The following RYR2 variants were observed in gnomAD, a reference collection of about 807,000 sequenced individuals.
RYR2 encodes cardiac muscle ryanodine receptor-calcium release channel.
A neutral mutation model predicts 601.1 loss-of-function variants in RYR2; 227 were observed. The ratio of observed to expected loss-of-function variants is 0.38; its 90% CI spans 0.34 to 0.42. The LOEUF (loss-of-function observed/expected upper bound fraction) is 0.42. RYR2 is among the 10% of genes least tolerant of loss of function. RYR2 has a pLI of 1.00. For missense variants in RYR2, 4,646 were observed against 6,156.5 expected (o/e 0.75, Z 8.21); for synonymous variants, 2,223 against 2,175.1 (o/e 1.02, Z -0.61).
chr1:237,225,806 C>T (rs1054333615), intron 1 of RYR2, among the ~76,000 whole-genome samples: 1 of 152,076 alleles, frequency 6.6e-6, no homozygotes, highest in Non-Finnish European at 1.5e-5. Context: ...CCTGTAATTC[C>T]AGCACTTTGG....
At chr1:237,643,248 C>T (rs1681752799) in intron 47 of RYR2, 79 bp from the exon 48 acceptor site, 12 of 1,551,132 alleles carry the variant, frequency 7.7e-6, no homozygotes, top group Non-Finnish European at 1.1e-5. Context: ...ACTTGGATTC[C>T]AATACTTCAG....
chr1:237,065,805 C>T (rs141747795), intron 1 of RYR2, among the ~76,000 whole-genome samples: 1 of 152,294 alleles, frequency 6.6e-6, no homozygotes, highest in Non-Finnish European at 1.5e-5. Flanking sequence ...GGAAACATGA[C>T]AGTTTCTGGG....
At chr1:237,051,282 TTC>T (rs148264575) in intron 1 of RYR2, among the ~76,000 whole-genome samples, 83 of 79,246 alleles carry the variant, frequency 1.0e-3, no homozygotes, top group East Asian at 1.7e-3. Flanking sequence ...TCTCCTCCCC[TTC>T]TCTCTCTCTC....
chr1:237,648,645 T>C (rs1261781106), intron 49 of RYR2, 32 bp downstream of exon 49: 2 of 1,592,392 alleles, frequency 1.3e-6, no homozygotes, highest in Non-Finnish European at 1.7e-6. Context: ...TCCTCCTCTC[T>C]TGACTCTTCA....
chr1:237,523,754 A>C (rs1667318364), intron 24 of RYR2, among the ~76,000 whole-genome samples: 1 of 151,846 alleles, frequency 6.6e-6, no homozygotes. Flanking sequence ...AAAAAGGCAA[A>C]AATTGGCAAA....
rs774182084 is a variant in RYR2, at chr1:237,648,539, G to A, written c.7438G>A (p.Val2480Ile). 1 of 1,611,432 alleles carries A rather than the reference G, an allele frequency of 6.2e-7. No homozygotes were observed. ...LFLDRVYGIE[V>I]QDFLLHLLEV... is the part of the protein sequence containing the mutation. ...CCTTGACAGGGTCTATGGGATTGAG[G>A]TTCAAGACTTCCTCCTCCATCTTCT... The change falls in exon 49 of 105, where the codon GTT (valine) becomes ATT (isoleucine). Residue 2480 changes from valine (V) to isoleucine (I), a missense_variant. Val to Ile is a conservative substitution (Grantham distance 29). Coordinates refer to ENST00000366574, the MANE Select transcript of RYR2 (RefSeq NM_001035.3).
chr1:237,157,613 G>A (rs2148845328), intron 1 of RYR2, among the ~76,000 whole-genome samples: 1 of 152,312 alleles, frequency 6.6e-6, no homozygotes, highest in African/African-American at 2.4e-5. Context: ...AGGTCATTAT[G>A]TTAAGTGAAA....
chr1:237,053,677 G>A (rs576422667), intron 1 of RYR2, among the ~76,000 whole-genome samples: 3 of 152,268 alleles, frequency 2.0e-5, no homozygotes, highest in South Asian at 4.1e-4. Flanking sequence ...TTATATCCAC[G>A]CTTGTCCTGC....
At chr1:237,738,068 C>G (rs764446222) in intron 79 of RYR2, among the ~76,000 whole-genome samples, 127 of 152,212 alleles carry the variant, frequency 8.3e-4, no homozygotes, top group Non-Finnish European at 1.6e-3. Context: ...TTCATGGTTT[C>G]TCGGTTTACC....
chr1:237,369,746 C>A (rs1217298483), intron 6 of RYR2, 138 bp downstream of exon 6: 2 of 680,632 alleles, frequency 2.9e-6, no homozygotes, highest in East Asian at 2.7e-5. Flanking sequence ...ATCTTTGTAC[C>A]CTTGTTAGTT....
Position 237,640,904 on chromosome 1 carries a change from G to A in RYR2, c.7123G>A (p.Glu2375Lys), listed in dbSNP as rs752713737. ...TTGAAACATTCATGAAAGTGACACA[G>A]AGGAGGAGGAAGATGACACTATCCA... The part of the protein sequence containing the change: ...NSGSSKTLDT[E>K]EEEDDTIHMG... Residue 2375 changes from glutamate to lysine, a missense_variant, in exon 47 of 105, where the codon GAG becomes AAG. Physicochemically the swap from Glu to Lys is moderately conservative, Grantham distance 56. Coordinates refer to ENST00000366574, the MANE Select transcript of RYR2 (RefSeq NM_001035.3). 2 of 1,612,404 alleles carry A rather than the reference G, an allele frequency of 1.2e-6. No individual in the cohort carries two copies. Among genetic ancestry groups the A allele is most frequent in the South Asian group, 1.1e-5 (1 of 90,602 alleles).
In RYR2 at chr1:237,493,229, G is replaced by A. The variant is rs201452475; in HGVS notation, c.1961+142G>A. 1.3e-3 allele frequency: 1,256 copies of A among 930,842 alleles called. 2 individuals carry two copies. Among genetic ancestry groups the A allele is most frequent in the Non-Finnish European group, 1.8e-3 (1,108 of 628,664 alleles). The allele number at this position is 930,842 out of a possible 1,614,324, so 57.7% of individuals were successfully genotyped here. A position where few individuals can be genotyped will look rare whatever the true frequency, so the allele number is the denominator to read the frequency against. On this transcript the variant is annotated intron_variant, in intron 19 of 104. Coordinates refer to ENST00000366574, the MANE Select transcript of RYR2 (RefSeq NM_001035.3). Reference sequence around the variant, plus strand: ...TCTGTATTTTTGCAGTGAATAATATGTCTTTTTCTCTAACAATCAGATGGG... The same window carrying A: ...TCTGTATTTTTGCAGTGAATAATATATCTTTTTCTCTAACAATCAGATGGG...
At chr1:237,046,515 C>G (rs954776542) in intron 1 of RYR2, among the ~76,000 whole-genome samples, 1 of 152,176 alleles carries the variant, frequency 6.6e-6, no homozygotes, top group Non-Finnish European at 1.5e-5. Flanking sequence ...TAGATATGCA[C>G]TATGGTATTT....
At chr1:237,096,525 T>A (rs1017898225) in intron 1 of RYR2, among the ~76,000 whole-genome samples, 6 of 152,186 alleles carry the variant, frequency 3.9e-5, no homozygotes, top group African/African-American at 1.4e-4. Context: ...CCTAAGTGGC[T>A]TTGCTGAGGG....
Position 237,506,869 on chromosome 1 carries a change from A to G in RYR2, c.2718+55A>G, listed in dbSNP as rs573694491. On this transcript the variant is annotated intron_variant, in intron 23 of 104. Coordinates refer to ENST00000366574, the MANE Select transcript of RYR2 (RefSeq NM_001035.3). ...TCTGTGAATACATCTTTCTGAAAACATAACTTTTTCTGCCTTTTCCCGCTA... is the reference window on the plus strand; with the variant it reads ...TCTGTGAATACATCTTTCTGAAAACGTAACTTTTTCTGCCTTTTCCCGCTA... 2.2e-4 allele frequency: 314 copies of G among 1,448,484 alleles called. 2 individuals carry two copies. The African/African-American group carries it at 3.8e-3, about 18-fold the overall frequency. The allele number at this position is 1,448,484 out of a possible 1,614,324, so 89.7% of individuals were successfully genotyped here.
At chr1:237,228,875 G>T (rs1684679051) in intron 1 of RYR2, among the ~76,000 whole-genome samples, 1 of 152,160 alleles carries the variant, frequency 6.6e-6, no homozygotes. Context: ...GCTTGTTTGT[G>T]TGTAGCTTGA....
At chr1:237,527,504 T>C (rs1667713819) in intron 24 of RYR2, among the ~76,000 whole-genome samples, 1 of 152,142 alleles carries the variant, frequency 6.6e-6, no homozygotes, top group Non-Finnish European at 1.5e-5. Context: ...CCTTAACCTA[T>C]AGTACACGGT....
chr1:237,415,178 C>T (rs1704847311), intron 10 of RYR2, among the ~76,000 whole-genome samples: 1 of 152,134 alleles, frequency 6.6e-6, no homozygotes, highest in South Asian at 2.1e-4. Flanking sequence ...CAAGGCTTGG[C>T]TTCCCATTGC....
intron 80 of RYR2, chr1:237,755,138 G>C (rs1692844258): frequency 1.6e-6 from 2 of 1,268,178 alleles, no homozygotes; most frequent in African/African-American, 3.1e-5. Flanking sequence ...AAATGTCTGT[G>C]TTGGTTGCTT....
Sources: gnomAD v4.1 joint callset for allele counts (sites outside exome capture counted in the v4.1 genomes callset) on GRCh38, gnomAD v4.1.1 for gene constraint, MANE v1.5 for transcripts, NCBI Gene and HGNC (gene_info 2026-07-23, HGNC 2026-07-21) for gene names.